SLC1A2: variants seen among roughly 807,000 people sequenced by gnomAD.
SLC1A2 encodes the protein excitatory amino acid transporter 2.
SLC1A2 carries 15 observed loss-of-function variants against 48.8 expected under a neutral mutation model. The ratio of observed to expected loss-of-function variants is 0.31; its 90% CI spans 0.21 to 0.47. The LOEUF is 0.47. Among genes scored for constraint, SLC1A2 ranks in the 20% least tolerant of loss-of-function variants. The probability of loss-of-function intolerance (pLI) is 0.99; values close to 1 mark genes in which losing one functional copy is unlikely to be tolerated. For synonymous variants in SLC1A2, 279 were observed against 272.6 expected, an observed-to-expected ratio of 1.02 and a Z score of -0.23; for missense variants, 502 against 730.5, an observed-to-expected ratio of 0.69 and a Z score of 3.61.
intron 1 of SLC1A2, among the ~76,000 whole-genome samples, chr11:35,329,238 G>A (rs1852350116): frequency 6.6e-6 from 1 of 152,204 alleles, no homozygotes; most frequent in African/African-American, 2.4e-5. Flanking sequence ...GTGAAGCACG[G>A]AGGATTTTTT....
At chr11:35,399,023 G>A (rs1257599399) in intron 1 of SLC1A2, among the ~76,000 whole-genome samples, 1 of 152,120 alleles carries the variant, frequency 6.6e-6, no homozygotes, top group Admixed American at 6.5e-5. Context: ...CCTATGGCTG[G>A]GTCATTAGGG....
chr11:35,277,472 T>C (rs1422258870), intron 9 of SLC1A2, among the ~76,000 whole-genome samples: 3 of 152,222 alleles, frequency 2.0e-5, no homozygotes, highest in Non-Finnish European at 4.4e-5. Context: ...CCACCAAATA[T>C]CACCCCTTTT....
intron 3 of SLC1A2, 158 bp downstream of exon 3, chr11:35,314,865 G>T (rs1168605499): frequency 3.9e-6 from 2 of 513,128 alleles, no homozygotes; most frequent in East Asian, 5.5e-5. Flanking sequence ...TTTCTTTAGG[G>T]TTGATTATCC....
intron 1 of SLC1A2, among the ~76,000 whole-genome samples, chr11:35,394,818 A>AG (rs1854901828): frequency 6.6e-6 from 1 of 152,246 alleles, no homozygotes; most frequent in East Asian, 1.9e-4. Flanking sequence ...CTGAAAGATG[A>AG]GGAAAGGTCA....
intron 7 of SLC1A2, among the ~76,000 whole-genome samples, chr11:35,287,847 T>A (rs1006573712): frequency 6.6e-6 from 1 of 152,228 alleles, no homozygotes; most frequent in Non-Finnish European, 1.5e-5. Flanking sequence ...AAAGTTTAAG[T>A]AATGTAGAAA....
intron 9 of SLC1A2, among the ~76,000 whole-genome samples, chr11:35,273,218 G>A (rs1400578783): frequency 6.6e-6 from 1 of 152,224 alleles, no homozygotes; most frequent in Non-Finnish European, 1.5e-5. Context: ...TAGGGGCAGG[G>A]TGTGGAAGAG....
chr11:35,291,978 A>G (rs1294473093), intron 7 of SLC1A2: 1 of 313,084 alleles, frequency 3.2e-6, no homozygotes, highest in East Asian at 6.5e-5. Context: ...TTTAGAAAAC[A>G]TCTAAAACTA....
At chr11:35,317,110 C>T (rs1851906381) in intron 2 of SLC1A2, 1 of 405,690 alleles carries the variant, frequency 2.5e-6, no homozygotes, top group African/African-American at 2.0e-5. Flanking sequence ...AGCAAAGTCT[C>T]CATAAGTATA....
In SLC1A2 at chr11:35,315,168, G is replaced by T; in HGVS notation, c.165C>A (p.Ile55=). The T allele has an allele frequency of 3.1e-6, 5 of 1,613,300 alleles. No individual in the cohort carries two copies. The highest frequency in any genetic ancestry group is 4.2e-6 in the Non-Finnish European group (5 of 1,179,436). Residue 55 remains isoleucine, a synonymous_variant, in exon 3 of 11, where the codon ATC becomes ATA. Transcript: ENST00000278379. ...GAAGCCCTCCACACACTGCTCCCAG[G>T]ATGACACCTAAAAGGAAGGGGAAAA... ...LLLTLTVFGV[I]LGAVCGGLLR...
At chr11:35,315,351 G>A (rs989737655) in intron 2 of SLC1A2, 176 bp from the exon 3 acceptor site, 3 of 514,814 alleles carry the variant, frequency 5.8e-6, no homozygotes, top group African/African-American at 5.7e-5. Context: ...ACTAGCAAGA[G>A]AACTTTCTAT....
chr11:35,369,885 A>C (rs776912638), intron 1 of SLC1A2, among the ~76,000 whole-genome samples: 1 of 152,228 alleles, frequency 6.6e-6, no homozygotes, highest in Non-Finnish European at 1.5e-5. Flanking sequence ...ATCCCTAGCC[A>C]GTCAAGTAAG....
intron 1 of SLC1A2, among the ~76,000 whole-genome samples, chr11:35,387,086 C>T (rs1419562003): frequency 6.6e-6 from 1 of 152,152 alleles, no homozygotes; most frequent in Non-Finnish European, 1.5e-5. Flanking sequence ...AATAGACCTT[C>T]TGACTTTCCC....
intron 6 of SLC1A2, among the ~76,000 whole-genome samples, chr11:35,294,602 C>A (rs1851113149): frequency 6.6e-6 from 1 of 152,180 alleles, no homozygotes; most frequent in Non-Finnish European, 1.5e-5. Flanking sequence ...GCACCAAGCA[C>A]CCTTTAAAGA....
chr11:35,418,552 C>G (rs1360990176), intron 1 of SLC1A2: 1 of 197,826 alleles, frequency 5.1e-6, no homozygotes, highest in Admixed American at 6.1e-5. Flanking sequence ...CCTTCCGAGC[C>G]GGCACCACCT....
intron 1 of SLC1A2, chr11:35,404,339 A>C (rs1175036992): frequency 6.6e-6 from 1 of 152,346 alleles, no homozygotes; most frequent in Non-Finnish European, 1.5e-5. Context: ...GAACCAGCAA[A>C]TCTTGTTCGA....
At chr11:35,398,236 A>T (rs1031528881) in intron 1 of SLC1A2, among the ~76,000 whole-genome samples, 8 of 152,224 alleles carry the variant, frequency 5.3e-5, no homozygotes, top group African/African-American at 1.9e-4. Flanking sequence ...TAGAAAAAAA[A>T]TATGATCTGA....
chr11:35,317,197 G>C (rs566422748), intron 2 of SLC1A2, 180 bp downstream of exon 2: 1 of 574,670 alleles, frequency 1.7e-6, no homozygotes, highest in Non-Finnish European at 3.0e-6. Context: ...AAAGGAGAAT[G>C]AATGGCTAGA....
rs1852114003 is a variant in SLC1A2 at position 35,322,745 on chromosome 11, G to T, written c.18-5229C>A. ...TCCCGTAAGACAGTTGTTGTATTTG[G>T]ATAAGAATGCTGGAAATACCTGTTG... is the stretch of plus-strand genomic sequence containing the variant. On this transcript the variant is annotated intron_variant, in intron 1 of 10. Transcript: ENST00000278379. 1.2e-5 allele frequency: 11 copies of T among 908,954 alleles called. No homozygotes were observed. In the South Asian group the frequency reaches 1.5e-4, roughly 13 times the overall value. The allele number at this position is 908,954 out of a possible 1,614,324, so 56.3% of individuals were successfully genotyped here. A position where few individuals can be genotyped will look rare whatever the true frequency, so the allele number is the denominator to read the frequency against.
Position 35,319,803 on chromosome 11 carries a change from T to A in SLC1A2, c.18-2287A>T, listed in dbSNP as rs553619987. On this transcript the variant is annotated intron_variant, in intron 1 of 10. Coordinates refer to ENST00000278379, the MANE Select transcript of SLC1A2 (RefSeq NM_004171.4). ...GAAGCCCTGAATCAAAACAGCCACA[T>A]CAAAGTGGCTACATCAAAATACTAT... is the stretch of plus-strand genomic sequence containing the variant. Among the ~76,000 whole-genome samples, 189 of 152,322 alleles carry A rather than the reference T, an allele frequency of 1.2e-3. 1 individual carries two copies. The Middle Eastern group carries it at 0.017, about 14-fold the overall frequency.
Sources: gnomAD v4.1 joint callset for allele counts (sites outside exome capture counted in the v4.1 genomes callset) on GRCh38, gnomAD v4.1.1 for gene constraint, MANE v1.5 for transcripts, NCBI Gene and HGNC (gene_info 2026-07-23, HGNC 2026-07-21) for gene names.